SENP5: variants seen among roughly 807,000 people sequenced by gnomAD.
The protein encoded by SENP5 is SUMO specific peptidase 5, also known as sentrin-specific protease 5.
A neutral mutation model predicts 74.2 loss-of-function variants in SENP5; 21 were observed. The observed-to-expected ratio is 0.28, with a 90% CI of 0.20 to 0.41. SENP5 has a LOEUF of 0.41. SENP5 is among the 10% of genes least tolerant of loss of function. The pLI, the probability that SENP5 is intolerant of heterozygous loss-of-function variation, is 1.00. For missense variants in SENP5, 717 were observed against 889.1 expected (o/e 0.81, Z 2.46); for synonymous variants, 311 against 312.7 (o/e 0.99, Z 0.06).
intron 6 of SENP5, among the ~76,000 whole-genome samples, chr3:196,911,203 G>A (rs1005734774): frequency 1.3e-5 from 2 of 149,044 alleles, no homozygotes; most frequent in African/African-American, 4.8e-5. Flanking sequence ...TGCAGCAAAA[G>A]CCAACATGGA....
At chr3:196,869,736 G>A (rs1411924670) in intron 1 of SENP5, among the ~76,000 whole-genome samples, 1 of 92,094 alleles carries the variant, frequency 1.1e-5, no homozygotes, top group Non-Finnish European at 1.9e-5. Flanking sequence ...TCCAGCCTGG[G>A]CAACAAGAGC....
At chr3:196,870,338 C>T (rs1253019154) in intron 1 of SENP5, among the ~76,000 whole-genome samples, 1 of 152,006 alleles carries the variant, frequency 6.6e-6, no homozygotes, top group Non-Finnish European at 1.5e-5. Context: ...CATCAGGCTG[C>T]GTTGAACTTT....
chr3:196,872,284 G>T (rs1251479082), intron 1 of SENP5, among the ~76,000 whole-genome samples: 1 of 152,182 alleles, frequency 6.6e-6, no homozygotes, highest in Non-Finnish European at 1.5e-5. Flanking sequence ...GGAATACAGG[G>T]GCAGAAATGT....
intron 1 of SENP5, among the ~76,000 whole-genome samples, chr3:196,884,560 T>C (rs1052546177): frequency 2.0e-5 from 3 of 152,186 alleles, no homozygotes; most frequent in Non-Finnish European, 4.4e-5. Context: ...AGAAGTGCTG[T>C]ATTACCTTTC....
At chr3:196,899,393 C>T (rs1205617830) in intron 2 of SENP5, among the ~76,000 whole-genome samples, 2 of 88,828 alleles carry the variant, frequency 2.3e-5, no homozygotes, top group Non-Finnish European at 5.9e-5. Flanking sequence ...TTCTAGCTAT[C>T]CATTCCTTCT....
chr3:196,881,452 T>A (rs1713722223), intron 1 of SENP5, among the ~76,000 whole-genome samples: 1 of 152,164 alleles, frequency 6.6e-6, no homozygotes, highest in Admixed American at 6.5e-5. Flanking sequence ...CCTAACAAAG[T>A]GTGGAAAGGC....
intron 6 of SENP5, among the ~76,000 whole-genome samples, chr3:196,906,097 G>A (rs1314572845): frequency 2.0e-5 from 3 of 152,164 alleles, no homozygotes; most frequent in Admixed American, 6.5e-5. Context: ...GCATGTGCCT[G>A]TAGTCCCAGC....
chr3:196,869,759 C>CAAA (rs58745670), intron 1 of SENP5, among the ~76,000 whole-genome samples: 1,392 of 37,134 alleles, frequency 0.037, 127 homozygotes, highest in African/African-American at 0.063. Context: ...AACTCCGTCT[C>CAAA]AAAAAAAAAA....
rs779443038 is a variant in SENP5 at position 196,899,663 on chromosome 3, A to C, written c.1514-3A>C. On this transcript the variant is annotated splice_region_variant and splice_polypyrimidine_tract_variant and intron_variant, in intron 2 of 9. Transcript: ENST00000323460. ...TTAACTTTTCTTTCTTCCTTTATTTAAGGATTCCTAGATGAGGTTATGAAG... is the reference window on the plus strand; with the variant it reads ...TTAACTTTTCTTTCTTCCTTTATTTCAGGATTCCTAGATGAGGTTATGAAG... The C allele has an allele frequency of 6.3e-7, 1 of 1,577,758 alleles. No homozygotes were observed. Among genetic ancestry groups the C allele is most frequent in the Non-Finnish European group, 8.7e-7 (1 of 1,149,414 alleles).
chr3:196,930,509 G>A (rs951284304), intron 9 of SENP5, among the ~76,000 whole-genome samples: 1 of 152,190 alleles, frequency 6.6e-6, no homozygotes, highest in Non-Finnish European at 1.5e-5. Context: ...CTGGGCCACG[G>A]ACAGATACTG....
chr3:196,908,248 C>T (rs1475836009), intron 6 of SENP5, among the ~76,000 whole-genome samples: 1 of 152,148 alleles, frequency 6.6e-6, no homozygotes. Flanking sequence ...CCACTGCACT[C>T]CTGCCTGGGT....
chr3:196,917,872 A>G (rs2108856851), intron 6 of SENP5, among the ~76,000 whole-genome samples: 1 of 152,360 alleles, frequency 6.6e-6, no homozygotes, highest in Admixed American at 6.5e-5. Context: ...CAAAGGTACA[A>G]AACTCACTGG....
chr3:196,922,841 C>T (rs1715673088), intron 6 of SENP5, among the ~76,000 whole-genome samples: 1 of 152,096 alleles, frequency 6.6e-6, no homozygotes, highest in South Asian at 2.1e-4. Flanking sequence ...CAGGCTGGTC[C>T]TGAACTCTTG....
At position 196,906,964 on chromosome 3, in the gene SENP5, G is replaced by A. The variant is rs567825073; in HGVS notation, c.1884+3354G>A. Among the ~76,000 whole-genome samples the A allele has an allele frequency of 6.6e-4, 100 of 152,280 alleles. 1 individual carries two copies. Among genetic ancestry groups the A allele is most frequent in the Non-Finnish European group, 1.2e-3 (81 of 68,018 alleles). On this transcript the variant is annotated intron_variant, in intron 6 of 9. Transcript: ENST00000323460. ...AGAGATGGAAGATGAGTGTGATGTA[G>A]GAAGTAAAATTAACAGGATTTGGTG...
At position 196,908,568 on chromosome 3, in the gene SENP5, A is replaced by T. The variant is rs138375325; in HGVS notation, c.1884+4958A>T. On this transcript the variant is annotated intron_variant, in intron 6 of 9. Transcript: ENST00000323460. ...GCTGGGCGTGGTGACTCATGCCTGT[A>T]ATCCCAGCACTTTGGGAGGCTGAGG... Among the ~76,000 whole-genome samples, 1,335 of 152,326 alleles carry T rather than the reference A, an allele frequency of 8.8e-3. 22 individuals are homozygous for T. The highest frequency in any genetic ancestry group is 0.028 in the African/African-American group (1,172 of 41,568).
At chr3:196,914,786 G>C (rs1024003665) in intron 6 of SENP5, among the ~76,000 whole-genome samples, 1 of 151,530 alleles carries the variant, frequency 6.6e-6, no homozygotes. Flanking sequence ...CCAGAAATCA[G>C]GTGAGTGATC....
chr3:196,911,309 C>T (rs969568782), intron 6 of SENP5, among the ~76,000 whole-genome samples: 1 of 152,006 alleles, frequency 6.6e-6, no homozygotes, highest in Non-Finnish European at 1.5e-5. Flanking sequence ...TGCAGTCTAC[C>T]CACCTGACAA....
chr3:196,885,823 A>C lies in SENP5; in HGVS notation c.642A>C (p.Pro214=). 6.2e-7 allele frequency: 1 copy of C among 1,614,166 alleles called. No homozygotes were observed. The highest frequency in any genetic ancestry group is 8.5e-7 in the Non-Finnish European group (1 of 1,180,026). Residue 214 remains proline (P), a synonymous_variant, in exon 2 of 10, where the codon CCA becomes CCC. Coordinates refer to ENST00000323460, the MANE Select transcript of SENP5 (RefSeq NM_152699.5). ...EHHRNGGPLI[P]KKFQLNQHRR... ...ACAGGAATGGGGGACCCTTGATTCC[A>C]AAAAAGTTCCAACTTAACCAACATA...
At chr3:196,915,374 C>T (rs754993433) in intron 6 of SENP5, among the ~76,000 whole-genome samples, 1 of 152,142 alleles carries the variant, frequency 6.6e-6, no homozygotes, top group Non-Finnish European at 1.5e-5. Flanking sequence ...TGAGCACTAG[C>T]TGAGCCACAG....
Sources: allele counts gnomAD v4.1 joint callset (sites outside exome capture counted in the v4.1 genomes callset), GRCh38; gene constraint gnomAD v4.1.1; transcripts MANE v1.5; gene names NCBI Gene and HGNC (gene_info 2026-07-23, HGNC 2026-07-21).